The following DMD variants were observed in gnomAD, a reference collection of about 807,000 sequenced individuals.
The protein encoded by DMD is mutant dystrophin.
Under a neutral mutation model 330.1 loss-of-function variants are expected in DMD, and 63 were observed. The ratio of observed to expected loss-of-function variants is 0.19; its 90% CI spans 0.16 to 0.24. The LOEUF is 0.24. Among genes scored for constraint, DMD ranks in the 10% least tolerant of loss-of-function variants. The probability of loss-of-function intolerance (pLI) is 1.00; values close to 1 mark genes in which losing one functional copy is unlikely to be tolerated. For missense variants in DMD, 3,344 were observed against 2,684.1 expected, an observed-to-expected ratio of 1.25 and a Z score of -5.43; for synonymous variants, 1,223 against 959.8, an observed-to-expected ratio of 1.27 and a Z score of -5.07.
In DMD at chrX:31,266,159, C is replaced by CAAAAAAAAAAAAAAAAAA. The variant is rs1174153877; in HGVS notation, c.9225-5161_9225-5144dup. Among the ~76,000 whole-genome samples the CAAAAAAAAAAAAAAAAAA allele has an allele frequency of 8.3e-4, 11 of 13,323 alleles. 1 individual carries two copies. Among genetic ancestry groups the CAAAAAAAAAAAAAAAAAA allele is most frequent in the African/African-American group, 1.1e-3 (3 of 2,688 alleles). 11.6% of individuals were successfully genotyped at this position (13,323 alleles called of 115,157 possible). On this transcript the variant is annotated intron_variant, in intron 62 of 78. Coordinates refer to ENST00000357033, the MANE Select transcript of DMD (RefSeq NM_004006.3). ...TGACTCCACACCCAATCCCGAAGGGCAAAAAAAAAAAAAAAAAAAAAAAAG... is the reference window on the plus strand; with the variant it reads ...TGACTCCACACCCAATCCCGAAGGGCAAAAAAAAAAAAAAAAAAAAAAAAAAAAAAAAAAAAAAAAAAG...
At chrX:32,765,203 T>C (rs777995822) in intron 7 of DMD, among the ~76,000 whole-genome samples, 2 of 111,187 alleles carry the variant, frequency 1.8e-5, no homozygotes, top group South Asian at 7.7e-4. Flanking sequence ...AAATCTCATG[T>C]TGAATTGTAA....
At chrX:31,706,019 C>T (rs2084157240) in intron 52 of DMD, among the ~76,000 whole-genome samples, 2 of 111,276 alleles carry the variant, frequency 1.8e-5, no homozygotes, top group South Asian at 3.8e-4. Context: ...GACAGGTGGT[C>T]CTTTGACGAA....
intron 1 of DMD, among the ~76,000 whole-genome samples, chrX:33,241,650 T>A (rs1367195068): frequency 2.7e-5 from 3 of 112,496 alleles, no homozygotes; most frequent in African/African-American, 6.5e-5. Flanking sequence ...ATTCTTCCAA[T>A]ACATGAACAC....
intron 43 of DMD, among the ~76,000 whole-genome samples, chrX:32,273,073 T>A: frequency 9.0e-6 from 1 of 111,590 alleles, no homozygotes; most frequent in Non-Finnish European, 1.9e-5. Context: ...AGTTGATGAA[T>A]GAGAAATTAC....
intron 47 of DMD, among the ~76,000 whole-genome samples, chrX:31,920,001 T>G (rs756346841): frequency 2.5e-4 from 28 of 112,276 alleles, no homozygotes; most frequent in Non-Finnish European, 4.7e-4. Flanking sequence ...CAATCCATTT[T>G]CTACACAATA....
At chrX:32,657,111 ATATTTTATTCCTT>A (rs1324478367) in intron 9 of DMD, among the ~76,000 whole-genome samples, 1 of 109,542 alleles carries the variant, frequency 9.1e-6, no homozygotes, top group Non-Finnish European at 1.9e-5. Context: ...AACTTATTTT[ATATTTTATTCCTT>A]TATTTTTTCC....
At chrX:33,235,916 A>AT (rs1210743904) in intron 1 of DMD, among the ~76,000 whole-genome samples, 152 of 87,101 alleles carry the variant, frequency 1.7e-3, no homozygotes, top group African/African-American at 5.5e-3. Context: ...TATTATTATT[A>AT]TTTTTTTTTT....
At chrX:32,107,439 G>C (rs1485253750) in intron 44 of DMD, among the ~76,000 whole-genome samples, 1 of 107,254 alleles carries the variant, frequency 9.3e-6, no homozygotes, top group Admixed American at 1.0e-4. Flanking sequence ...TATGGAGACT[G>C]ACAACTCCCA....
At chrX:32,504,585 C>T (rs1366754620) in intron 18 of DMD, among the ~76,000 whole-genome samples, 1 of 111,328 alleles carries the variant, frequency 9.0e-6, no homozygotes, top group African/African-American at 3.3e-5. Context: ...CGAGATCACA[C>T]CATTGCACTC....
intron 55 of DMD, among the ~76,000 whole-genome samples, chrX:31,577,539 C>A (rs1211493893): frequency 8.9e-6 from 1 of 111,976 alleles, no homozygotes; most frequent in Admixed American, 9.4e-5. Context: ...TTTTAAAGAA[C>A]CACAGCAGCT....
intron 44 of DMD, among the ~76,000 whole-genome samples, chrX:32,128,146 A>T (rs1189635345): frequency 8.9e-6 from 1 of 112,532 alleles, no homozygotes; most frequent in African/African-American, 3.2e-5. Context: ...TAAAACAAGT[A>T]AAATTATATG....
chrX:33,046,715 G>C (rs1323186443), intron 1 of DMD, among the ~76,000 whole-genome samples: 1 of 111,943 alleles, frequency 8.9e-6, no homozygotes, highest in East Asian at 2.8e-4. Flanking sequence ...TTGAGTAAAA[G>C]AATGAACAAA....
intron 44 of DMD, among the ~76,000 whole-genome samples, chrX:32,123,243 A>ATATATAT (rs1491535545): frequency 2.2e-3 from 179 of 82,740 alleles, no homozygotes; most frequent in East Asian, 3.0e-3. Flanking sequence ...ATATATATAT[A>ATATATAT]AATGATCAAA....
In DMD at chrX:33,271,486, G is replaced by T. The variant is rs767216495; in HGVS notation, c.7+67773C>A. ...GAAACATTAGATATGAAAACACAAG[G>T]CTGGGCGCGGTGGCTCATGCCTGTA... On this transcript the variant is annotated intron_variant, in intron 1 of 17. Transcript: ENST00000288447. Among the ~76,000 whole-genome samples the T allele has an allele frequency of 2.7e-5, 3 of 111,467 alleles. No homozygotes were observed. The East Asian group carries it at 8.5e-4, about 32-fold the overall frequency.
chrX:32,329,544 G>C (rs370296462), intron 41 of DMD, among the ~76,000 whole-genome samples: 1 of 112,048 alleles, frequency 8.9e-6, no homozygotes, highest in African/African-American at 3.2e-5. Flanking sequence ...TTCCACATAT[G>C]AAATACTCGA....
At chrX:32,774,436 T>C (rs57332535) in intron 7 of DMD, among the ~76,000 whole-genome samples, 2,260 of 111,672 alleles carry the variant, frequency 0.02, 72 homozygotes, top group African/African-American at 0.07. Flanking sequence ...TAGTCCATTT[T>C]CACACTGCCA....
chrX:32,927,372 T>C (rs1251663008), intron 2 of DMD, among the ~76,000 whole-genome samples: 31 of 96,821 alleles, frequency 3.2e-4, no homozygotes, highest in African/African-American at 5.2e-4. Context: ...TCTTTTTTTT[T>C]TTTTTTTTTT....
chrX:31,372,720 T>C (rs932998958), intron 60 of DMD, among the ~76,000 whole-genome samples: 5 of 111,784 alleles, frequency 4.5e-5, no homozygotes, highest in Admixed American at 2.9e-4. Flanking sequence ...AATATCATAC[T>C]GAATGGGCAA....
At chrX:32,537,683 G>C (rs1224960418) in intron 17 of DMD, among the ~76,000 whole-genome samples, 1 of 111,480 alleles carries the variant, frequency 9.0e-6, no homozygotes, top group Non-Finnish European at 1.9e-5. Context: ...GTCCGTAAGG[G>C]AATACAGATA....
Sources: gnomAD v4.1 joint callset for allele counts (sites outside exome capture counted in the v4.1 genomes callset) on GRCh38, gnomAD v4.1.1 for gene constraint, MANE v1.5 for transcripts, NCBI Gene and HGNC (gene_info 2026-07-23, HGNC 2026-07-21) for gene names.